The following RARB variants were observed in gnomAD, a reference collection of about 807,000 sequenced individuals.
RARB encodes the protein retinoic acid receptor beta, also known as HBV-activated protein.
A neutral mutation model predicts 51.9 loss-of-function variants in RARB; 17 were observed. That is an observed-to-expected ratio of 0.33 (90% confidence interval 0.22 to 0.49). RARB has a LOEUF of 0.49. Ranked by LOEUF, RARB falls within the 20% of genes least tolerant of loss-of-function variation. The probability of loss-of-function intolerance (pLI) is 0.99; values close to 1 mark genes in which losing one functional copy is unlikely to be tolerated. For synonymous variants in RARB, 215 were observed against 195.4 expected (o/e 1.10, Z -0.84); for missense variants, 369 against 550.8 (o/e 0.67, Z 3.30).
chr3:25,084,921 G>A (rs1699077536), intron 3 of RARB, among the ~76,000 whole-genome samples: 1 of 151,958 alleles, frequency 6.6e-6, no homozygotes, highest in Admixed American at 6.6e-5. Flanking sequence ...TTAATTATCG[G>A]CAGTTTTGCC....
intron 2 of RARB, among the ~76,000 whole-genome samples, chr3:25,033,471 G>C (rs934656588): frequency 5.9e-5 from 9 of 152,190 alleles, no homozygotes; most frequent in African/African-American, 1.9e-4. Context: ...TCCAGTCCCT[G>C]AAATGGGACT....
chr3:25,452,107 A>G (rs1275570830), intron 1 of RARB, among the ~76,000 whole-genome samples: 1 of 152,162 alleles, frequency 6.6e-6, no homozygotes, highest in African/African-American at 2.4e-5. Flanking sequence ...CCACGTTCAG[A>G]TCATTAATAA....
intron 3 of RARB, among the ~76,000 whole-genome samples, chr3:25,545,659 G>A (rs1699589203): frequency 6.6e-6 from 1 of 152,140 alleles, no homozygotes; most frequent in Non-Finnish European, 1.5e-5. Flanking sequence ...CATTGTTCCT[G>A]TCCTGCAGCT....
chr3:25,074,723 T>G (rs977487653), intron 3 of RARB, among the ~76,000 whole-genome samples: 1 of 152,182 alleles, frequency 6.6e-6, no homozygotes, highest in African/African-American at 2.4e-5. Context: ...ACTGTACCAC[T>G]GAGAAATGGA....
intron 2 of RARB, among the ~76,000 whole-genome samples, chr3:25,491,996 C>T (rs1249906261): frequency 6.6e-6 from 1 of 152,074 alleles, no homozygotes; most frequent in Non-Finnish European, 1.5e-5. Flanking sequence ...GACAGCAGAG[C>T]AGTAAACTAA....
At position 25,356,097 on chromosome 3, in the gene RARB, C is replaced by G. The variant is rs918115218; in HGVS notation, c.179-105096C>G. ...ACAAGATCTATTTCTTGCTGGTATT[C>G]TGATTACACTTAGCTTTAAGGAGAG... On this transcript the variant is annotated intron_variant, in intron 5 of 11. Transcript: ENST00000383772. Among the ~76,000 whole-genome samples the G allele has an allele frequency of 4.6e-5, 7 of 152,152 alleles. 1 individual carries two copies. The Middle Eastern group carries it at 0.01, about 222-fold the overall frequency.
intron 5 of RARB, among the ~76,000 whole-genome samples, chr3:25,243,293 C>T (rs1575249889): frequency 6.6e-6 from 1 of 152,052 alleles, no homozygotes; most frequent in Non-Finnish European, 1.5e-5. Flanking sequence ...GTTTGAATAC[C>T]CTTTATTTCT....
intron 2 of RARB, among the ~76,000 whole-genome samples, chr3:25,045,053 T>G (rs1286721528): frequency 2.0e-5 from 3 of 152,180 alleles, no homozygotes; most frequent in Non-Finnish European, 2.9e-5. Context: ...TTCGAAAACC[T>G]AAAAAGTTTA....
At chr3:25,300,468 C>A (rs550154835) in intron 5 of RARB, among the ~76,000 whole-genome samples, 1 of 152,268 alleles carries the variant, frequency 6.6e-6, no homozygotes, top group African/African-American at 2.4e-5. Context: ...TTCTGATATC[C>A]TTTTTGATCC....
intron 2 of RARB, among the ~76,000 whole-genome samples, chr3:24,882,198 G>T (rs372429230): frequency 6.6e-6 from 1 of 152,146 alleles, no homozygotes; most frequent in South Asian, 2.1e-4. Flanking sequence ...AGAAGATATA[G>T]CAGAACAAGT....
chr3:25,176,172 T>A (rs1427433354), intron 5 of RARB, among the ~76,000 whole-genome samples: 1 of 152,068 alleles, frequency 6.6e-6, no homozygotes, highest in Non-Finnish European at 1.5e-5. Flanking sequence ...AGGATTCCCA[T>A]GCTGAATGAT....
intron 2 of RARB, among the ~76,000 whole-genome samples, chr3:25,470,298 A>G (rs943708104): frequency 1.3e-5 from 2 of 152,200 alleles, no homozygotes; most frequent in Non-Finnish European, 2.9e-5. Context: ...TTAAAATGCA[A>G]TTTTAAAGCT....
intron 3 of RARB, among the ~76,000 whole-genome samples, chr3:25,531,274 C>A (rs916045049): frequency 6.6e-6 from 1 of 151,880 alleles, no homozygotes; most frequent in African/African-American, 2.4e-5. Flanking sequence ...CAAAGAAAGC[C>A]CACAAGCAAA....
intron 2 of RARB, among the ~76,000 whole-genome samples, chr3:24,884,962 G>T (rs868066216): frequency 6.6e-6 from 1 of 152,120 alleles, no homozygotes; most frequent in African/African-American, 2.4e-5. Flanking sequence ...TAACAACTGC[G>T]TATTCAAAAA....
At chr3:24,889,809 T>A (rs1228207382) in intron 2 of RARB, among the ~76,000 whole-genome samples, 1 of 149,318 alleles carries the variant, frequency 6.7e-6, no homozygotes, top group Non-Finnish European at 1.5e-5. Context: ...GTCCAAGATA[T>A]AAAAGGAGTC....
chr3:25,147,623 G>A (rs1451155477), intron 4 of RARB, among the ~76,000 whole-genome samples: 1 of 152,134 alleles, frequency 6.6e-6, no homozygotes, highest in Non-Finnish European at 1.5e-5. Context: ...TCTTGAATAC[G>A]GAGGATAAAC....
chr3:25,081,023 C>A (rs1698984018), intron 3 of RARB, among the ~76,000 whole-genome samples: 1 of 151,932 alleles, frequency 6.6e-6, no homozygotes, highest in Non-Finnish European at 1.5e-5. Flanking sequence ...TTATTATCTT[C>A]TTCTATGCAT....
intron 2 of RARB, among the ~76,000 whole-genome samples, chr3:25,468,563 A>T (rs370842844): frequency 2.6e-4 from 39 of 147,376 alleles, no homozygotes; most frequent in Non-Finnish European, 9.1e-5. Flanking sequence ...GTTAAAAAAA[A>T]CACCCCACTG....
At chr3:25,039,396 G>A (rs1408226347) in intron 2 of RARB, among the ~76,000 whole-genome samples, 1 of 152,182 alleles carries the variant, frequency 6.6e-6, no homozygotes, top group African/African-American at 2.4e-5. Context: ...TTCTGGGAAA[G>A]CTTGGTAAGA....
Sources: allele counts gnomAD v4.1 joint callset (sites outside exome capture counted in the v4.1 genomes callset), GRCh38; gene constraint gnomAD v4.1.1; transcripts MANE v1.5; gene names NCBI Gene and HGNC (gene_info 2026-07-23, HGNC 2026-07-21).